PSME3IP1: variants seen among roughly 807,000 people sequenced by gnomAD.
PSME3IP1 encodes the protein PSME3-interacting protein.
In PSME3IP1, 13 loss-of-function variants were observed where a neutral mutation model predicts 34.1. The ratio of observed to expected loss-of-function variants is 0.38; its 90% CI spans 0.25 to 0.61. PSME3IP1 has a LOEUF of 0.61. PSME3IP1 is among the 20% of genes least tolerant of loss of function. PSME3IP1 has a pLI of 0.60. For synonymous variants in PSME3IP1, 93 were observed against 114.3 expected, an observed-to-expected ratio of 0.81 and a Z score of 1.19; for missense variants, 237 against 301.4, an observed-to-expected ratio of 0.79 and a Z score of 1.58.
chr16:57,177,881 C>T (rs1422607722), intron 1 of PSME3IP1, among the ~76,000 whole-genome samples: 4 of 152,120 alleles, frequency 2.6e-5, no homozygotes, highest in Non-Finnish European at 5.9e-5. Flanking sequence ...GTCCCAGCTA[C>T]TCACAGGCTG....
intron 5 of PSME3IP1, 58 bp from the exon 6 acceptor site, chr16:57,164,123 G>A: frequency 6.7e-7 from 1 of 1,489,750 alleles, no homozygotes; most frequent in Non-Finnish European, 9.4e-7. Flanking sequence ...CAAAGCTTAG[G>A]GAATCAGGAG....
chr16:57,180,048 C>T (rs2073552759), intron 1 of PSME3IP1, among the ~76,000 whole-genome samples: 1 of 152,152 alleles, frequency 6.6e-6, no homozygotes, highest in South Asian at 2.1e-4. Flanking sequence ...AACAGAGAGC[C>T]CGCTGTTAGT....
Position 57,159,618 on chromosome 16 carries a change from T to C in PSME3IP1, c.547+4383A>G, listed in dbSNP as rs529477747. On this transcript the variant is annotated intron_variant, in intron 6 of 6. Coordinates refer to ENST00000309137, the MANE Select transcript of PSME3IP1 (RefSeq NM_024946.4). ...AAGCAAGCTTCAGGGAGCGTTCTTC[T>C]TGTGGAGCCTTAATTCCTAGCAAAG... Among the ~76,000 whole-genome samples, 9 of 152,304 alleles carry C rather than the reference T, an allele frequency of 5.9e-5. 1 individual carries two copies. The East Asian group carries it at 1.7e-3, about 29-fold the overall frequency.
chr16:57,177,597 AG>A lies in PSME3IP1; in HGVS notation c.-15-3729del, dbSNP rs1173919152. Among the ~76,000 whole-genome samples the A allele has an allele frequency of 4.6e-5, 7 of 152,332 alleles. No individual in the cohort carries two copies. In the East Asian group the frequency reaches 1.3e-3, roughly 29 times the overall value. On this transcript the variant is annotated intron_variant, in intron 1 of 6. Transcript: ENST00000309137. ...AAAAAAATTTAAAGGCAAGCGTTGC[AG>A]GGGAAAGAAAAATACAAGAAATGTA...
chr16:57,166,684 C>T (rs1373313002), intron 5 of PSME3IP1, among the ~76,000 whole-genome samples: 9 of 152,158 alleles, frequency 5.9e-5, no homozygotes, highest in African/African-American at 2.2e-4. Flanking sequence ...GACAGAAGCC[C>T]AAATAATGAA....
intron 6 of PSME3IP1, among the ~76,000 whole-genome samples, chr16:57,157,391 G>A (rs1186153587): frequency 6.6e-6 from 1 of 151,386 alleles, no homozygotes; most frequent in Non-Finnish European, 1.5e-5. Flanking sequence ...TGATCCCCAA[G>A]ATATTGTGCT....
chr16:57,162,165 G>T (rs2071330347), intron 6 of PSME3IP1, among the ~76,000 whole-genome samples: 1 of 152,144 alleles, frequency 6.6e-6, no homozygotes, highest in African/African-American at 2.4e-5. Context: ...GCCTCCCAAA[G>T]TGTTGGGATT....
At chr16:57,169,128 T>C (rs1448950087) in intron 4 of PSME3IP1, among the ~76,000 whole-genome samples, 1 of 152,018 alleles carries the variant, frequency 6.6e-6, no homozygotes, top group Non-Finnish European at 1.5e-5. Flanking sequence ...TACAAGCAAT[T>C]TTTCCTTCTT....
rs1373650940 is a variant in PSME3IP1, at chr16:57,173,626, C to T, written c.127+102G>A. 4.9e-6 allele frequency: 7 copies of T among 1,429,136 alleles called. No individual in the cohort carries two copies. The Admixed American group carries it at 8.5e-5, about 17-fold the overall frequency. 88.5% of individuals were successfully genotyped at this position (1,429,136 alleles called of 1,614,324 possible). ...CCTGGGCAACAGAGTGAGACTCCGT[C>T]TCAAAAAAATAAATAAATAAAACCA... On this transcript the variant is annotated intron_variant, in intron 2 of 6. Coordinates refer to ENST00000309137, the MANE Select transcript of PSME3IP1 (RefSeq NM_024946.4).
At chr16:57,179,982 A>T (rs2073545206) in intron 1 of PSME3IP1, among the ~76,000 whole-genome samples, 1 of 152,234 alleles carries the variant, frequency 6.6e-6, no homozygotes, top group African/African-American at 2.4e-5. Context: ...TAGATTTTTA[A>T]AAATTTAGCT....
chr16:57,161,141 C>G (rs1449578999), intron 6 of PSME3IP1, among the ~76,000 whole-genome samples: 2 of 152,218 alleles, frequency 1.3e-5, no homozygotes, highest in African/African-American at 4.8e-5. Flanking sequence ...ACTGCCTTTT[C>G]TGCAAAAACT....
chr16:57,166,524 C>A (rs2071890764), intron 5 of PSME3IP1, among the ~76,000 whole-genome samples: 1 of 152,154 alleles, frequency 6.6e-6, no homozygotes, highest in Non-Finnish European at 1.5e-5. Flanking sequence ...AGTTGTCCTA[C>A]CTAATCAGCA....
chr16:57,179,171 C>A (rs1221957009), intron 1 of PSME3IP1, among the ~76,000 whole-genome samples: 2 of 148,364 alleles, frequency 1.3e-5, no homozygotes, highest in Non-Finnish European at 3.0e-5. Flanking sequence ...TTCCTTTACT[C>A]ACGTTTTCCA....
Position 57,172,813 on chromosome 16 carries a change from G to A in PSME3IP1, c.189C>T (p.Asp63=), listed in dbSNP as rs2072747686. The A allele has an allele frequency of 6.2e-7, 1 of 1,613,606 alleles. No homozygotes were observed. The highest frequency in any genetic ancestry group is 8.5e-7 in the Non-Finnish European group (1 of 1,179,510). Residue 63 remains aspartate (D), a synonymous_variant, in exon 3 of 7, where the codon GAC becomes GAT. Coordinates refer to ENST00000309137, the MANE Select transcript of PSME3IP1 (RefSeq NM_024946.4). ...GTTCCTCGTACTCCTGCTGCTTCCTGTCCTTCTGTTCCTGTAGCCTTTCAT... is the reference window on the plus strand; with the variant it reads ...GTTCCTCGTACTCCTGCTGCTTCCTATCCTTCTGTTCCTGTAGCCTTTCAT... ...SLYERLQEQK[D]RKQQEYEEQF...
At position 57,153,584 on chromosome 16, in the gene PSME3IP1, T is replaced by G. The variant is rs150606486; in HGVS notation, c.*706A>C. Reference sequence around the variant, plus strand: ...TTTCAAAAACAAACATAAAATAATTTCCCAGGCAGAGAAAAGGTTTGAGAT... The same window carrying G: ...TTTCAAAAACAAACATAAAATAATTGCCCAGGCAGAGAAAAGGTTTGAGAT... On this transcript the variant is annotated 3_prime_UTR_variant, in exon 7 of 7. Transcript: ENST00000309137. 1.3e-5 allele frequency: 2 copies of G among 152,290 alleles called. No homozygotes were observed. Among genetic ancestry groups the G allele is most frequent in the East Asian group, 3.9e-4 (2 of 5,188 alleles). The allele number at this position is 152,290 out of a possible 1,614,324, so 9.4% of individuals were successfully genotyped here.
intron 5 of PSME3IP1, 81 bp downstream of exon 5, chr16:57,167,012 G>A (rs1374125383): frequency 1.1e-5 from 17 of 1,538,734 alleles, no homozygotes; most frequent in African/African-American, 9.6e-5. Context: ...CGAGGCAAGC[G>A]TTGGCTCTGG....
intron 1 of PSME3IP1, among the ~76,000 whole-genome samples, chr16:57,181,380 G>GA (rs1357903319): frequency 8.0e-4 from 118 of 147,980 alleles, no homozygotes; most frequent in African/African-American, 2.2e-3. Flanking sequence ...AGGATATAGA[G>GA]AAAAAAAAAA....
At chr16:57,166,692 G>C (rs2071913429) in intron 5 of PSME3IP1, among the ~76,000 whole-genome samples, 1 of 152,142 alleles carries the variant, frequency 6.6e-6, no homozygotes, top group Non-Finnish European at 1.5e-5. Flanking sequence ...CCCAAATAAT[G>C]AACTCTAGCT....
rs1326793675 is a variant in PSME3IP1 at position 57,153,953 on chromosome 16, C to T, written c.*337G>A. Reference sequence around the variant, plus strand: ...TGTCGGGAAAAGAAAAAACAGAAAGCAATAAAACCCAAACCCTTTGGCAAG... The same window carrying T: ...TGTCGGGAAAAGAAAAAACAGAAAGTAATAAAACCCAAACCCTTTGGCAAG... On this transcript the variant is annotated 3_prime_UTR_variant, in exon 7 of 7. Transcript: ENST00000309137. The T allele has an allele frequency of 1.1e-5, 3 of 280,848 alleles. No individual in the cohort carries two copies. Among genetic ancestry groups the T allele is most frequent in the Non-Finnish European group, 2.0e-5 (3 of 147,576 alleles). The allele number at this position is 280,848 out of a possible 1,614,324, so 17.4% of individuals were successfully genotyped here. A position where few individuals can be genotyped will look rare whatever the true frequency, so the allele number is the denominator to read the frequency against.
Sources: allele counts gnomAD v4.1 joint callset (sites outside exome capture counted in the v4.1 genomes callset), GRCh38; gene constraint gnomAD v4.1.1; transcripts MANE v1.5; gene names NCBI Gene and HGNC (gene_info 2026-07-23, HGNC 2026-07-21).